Variants in HIBCH observed in about 807,000 individuals in gnomAD.
HIBCH encodes 3-hydroxyisobutyryl-CoA hydrolase.
HIBCH carries 50 observed loss-of-function variants against 58.2 expected under a neutral mutation model. That is an observed-to-expected ratio of 0.86 (90% CI 0.68 to 1.09). The LOEUF is 1.09. HIBCH is among the 50% of genes least tolerant of loss of function. The pLI, the probability that HIBCH is intolerant of heterozygous loss-of-function variation, is 0.00. For synonymous variants in HIBCH, 151 were observed against 146.9 expected (o/e 1.03, Z -0.20); for missense variants, 450 against 449.7 (o/e 1.00, Z -0.01).
intron 11 of HIBCH, among the ~76,000 whole-genome samples, chr2:190,227,192 C>T (rs1427606010): frequency 6.6e-6 from 1 of 152,172 alleles, no homozygotes; most frequent in African/African-American, 2.4e-5. Context: ...TACAAGGCTA[C>T]AGTAACCCAA....
At chr2:190,276,379 C>A (rs190249400) in intron 6 of HIBCH, among the ~76,000 whole-genome samples, 2 of 152,170 alleles carry the variant, frequency 1.3e-5, no homozygotes, top group East Asian at 3.9e-4. Context: ...TTGGCTCCTT[C>A]TTACTCCTTT....
At chr2:190,298,603 T>C (rs1688175269) in intron 2 of HIBCH, among the ~76,000 whole-genome samples, 1 of 152,138 alleles carries the variant, frequency 6.6e-6, no homozygotes, top group Admixed American at 6.5e-5. Context: ...TTTTTTTTCT[T>C]GTAAATTTAA....
Position 190,296,882 on chromosome 2 carries a change from T to C in HIBCH, c.150A>G (p.Thr50=), listed in dbSNP as rs1231406610. Residue 50 remains threonine (T), a synonymous_variant, in exon 3 of 14, where the codon ACA becomes ACG. Transcript: ENST00000359678. ...LEKKGCTGVI[T]LNRPKFLNAL... is the part of the protein sequence containing the mutation. ...CATTGAGGAACTTTGGTCTGTTTAG[T>C]GTTATGACTCCCGTGCAACCTTTTT... 1.2e-5 allele frequency: 19 copies of C among 1,613,812 alleles called. No homozygotes were observed. Among genetic ancestry groups the C allele is most frequent in the Non-Finnish European group, 1.3e-5 (15 of 1,179,802 alleles).
rs1279827716 is a variant in HIBCH, at chr2:190,215,135, T to G, written c.892-2060A>C. Reference sequence around the variant, plus strand: ...CAGCTTAGCAGAGATCCCCTCGGTTTAGCAGCTAGATCAATTTTTAGGACC... The same window carrying G: ...CAGCTTAGCAGAGATCCCCTCGGTTGAGCAGCTAGATCAATTTTTAGGACC... On this transcript the variant is annotated intron_variant, in intron 11 of 13. Coordinates refer to ENST00000359678, the MANE Select transcript of HIBCH (RefSeq NM_014362.4). The surrounding 1 kb of genome is among the most constrained non-coding windows in gnomAD (Gnocchi z 4.4). The G allele has an allele frequency of 6.6e-6, 1 of 151,604 alleles. No individual in the cohort carries two copies. The highest frequency in any genetic ancestry group is 2.4e-5 in the African/African-American group (1 of 41,078). The allele number at this position is 151,604 out of a possible 1,614,324, so 9.4% of individuals were successfully genotyped here.
intron 11 of HIBCH, among the ~76,000 whole-genome samples, chr2:190,229,257 T>C (rs181940911): frequency 1.3e-5 from 2 of 152,306 alleles, no homozygotes; most frequent in East Asian, 1.9e-4. Context: ...AGAACTGATA[T>C]TGACTTCCAT....
chr2:190,263,542 TAGG>T (rs1346531310), intron 6 of HIBCH, among the ~76,000 whole-genome samples: 4 of 152,176 alleles, frequency 2.6e-5, no homozygotes, highest in East Asian at 1.9e-4. Flanking sequence ...ATGCATTCCC[TAGG>T]AGATCTCTTC....
intron 9 of HIBCH, among the ~76,000 whole-genome samples, chr2:190,247,129 T>C (rs1187143463): frequency 6.6e-6 from 1 of 152,194 alleles, no homozygotes; most frequent in African/African-American, 2.4e-5. Flanking sequence ...ATTATTACTA[T>C]TGAGCAGATC....
At chr2:190,199,150 TG>T (rs1297603514), downstream of HIBCH, among the ~76,000 whole-genome samples, 1 of 152,168 alleles carries the variant, frequency 6.6e-6, no homozygotes, top group African/African-American at 2.4e-5. Context: ...TCATGAGGTT[TG>T]GGGAGGAACA....
chr2:190,292,896 T>C (rs1178298046), intron 4 of HIBCH, among the ~76,000 whole-genome samples: 1 of 152,234 alleles, frequency 6.6e-6, no homozygotes, highest in East Asian at 1.9e-4. Flanking sequence ...TAAAATTAAA[T>C]GTCCTTCACA....
intron 3 of HIBCH, among the ~76,000 whole-genome samples, chr2:190,296,115 C>G (rs1172021164): frequency 6.6e-6 from 1 of 152,106 alleles, no homozygotes; most frequent in Non-Finnish European, 1.5e-5. Flanking sequence ...TGAGAAAAAG[C>G]AGGCAGTTTA....
At chr2:190,249,546 A>T (rs1415724702) in intron 9 of HIBCH, 94 bp downstream of exon 9, 1 of 705,378 alleles carries the variant, frequency 1.4e-6, no homozygotes, top group African/African-American at 1.8e-5. Flanking sequence ...ATTTATTTAT[A>T]TTTACAAACT....
chr2:190,200,051 G>A (rs759459884), downstream of HIBCH: 53 of 1,613,964 alleles, frequency 3.3e-5, 1 homozygote, highest in Admixed American at 1.7e-4. Flanking sequence ...TATGCACACC[G>A]CCTGTCTCAG....
At chr2:190,291,454 G>A (rs1256109056) in intron 4 of HIBCH, among the ~76,000 whole-genome samples, 1 of 152,090 alleles carries the variant, frequency 6.6e-6, no homozygotes, top group Non-Finnish European at 1.5e-5. Context: ...GAAAATGACA[G>A]AAAGAAAAAT....
Position 190,319,779 on chromosome 2 carries a change from G to A in HIBCH, c.-29C>T, listed in dbSNP as rs185785949. The A allele has an allele frequency of 1.2e-4, 195 of 1,606,012 alleles. No individual in the cohort carries two copies. The African/African-American group carries it at 2.5e-3, about 20-fold the overall frequency. On this transcript the variant is annotated 5_prime_UTR_variant, in exon 1 of 14. Transcript: ENST00000359678. The stretch of plus-strand genomic sequence containing the variant: ...CAAACACTCCGAAGCTAAAGCAGCA[G>A]AGCGAGAATCTCCCGGACCGTTCCA...
intron 8 of HIBCH, among the ~76,000 whole-genome samples, chr2:190,251,756 T>C (rs1686780405): frequency 6.6e-6 from 1 of 151,490 alleles, no homozygotes; most frequent in Non-Finnish European, 1.5e-5. Flanking sequence ...CAAATGCAAT[T>C]ACTTTCAATG....
intron 6 of HIBCH, among the ~76,000 whole-genome samples, chr2:190,262,134 G>C (rs1687104193): frequency 7.5e-6 from 1 of 133,446 alleles, no homozygotes. Flanking sequence ...TGACAGCCAA[G>C]TAAAAGCTGG....
rs1384946441 is a variant in HIBCH at position 190,273,225 on chromosome 2, T to A, written c.439-11991A>T. 2.0e-5 allele frequency among the ~76,000 whole-genome samples: 3 copies of A among 151,956 alleles called. No homozygotes were observed. In the East Asian group the frequency reaches 5.8e-4, roughly 29 times the overall value. ...CTGACCAACATGGTGAAACCTCAAC[T>A]CTATTAAAAATACAAAAATTAGCCA... On this transcript the variant is annotated intron_variant, in intron 6 of 13. Transcript: ENST00000359678.
intron 1 of HIBCH, among the ~76,000 whole-genome samples, chr2:190,191,297 T>G (rs547792199): frequency 6.6e-6 from 1 of 152,208 alleles, no homozygotes; most frequent in South Asian, 2.1e-4. Context: ...TGTGCACCAC[T>G]ATGCCCTGCT....
intron 6 of HIBCH, among the ~76,000 whole-genome samples, chr2:190,273,688 T>C (rs1159336041): frequency 1.2e-4 from 14 of 119,416 alleles, no homozygotes; most frequent in East Asian, 4.7e-4. Context: ...GCTCCTTTCA[T>C]ATCTTCCAGT....
Sources: allele counts gnomAD v4.1 joint callset (sites outside exome capture counted in the v4.1 genomes callset), GRCh38; gene constraint gnomAD v4.1.1; non-coding constraint Gnocchi (gnomAD v3.1); transcripts MANE v1.5; gene names NCBI Gene and HGNC (gene_info 2026-07-23, HGNC 2026-07-21).